The following EXOC4 variants were observed in gnomAD, a reference collection of about 807,000 sequenced individuals.
The protein encoded by EXOC4 is SEC8-like 1.
In EXOC4, 71 loss-of-function variants were observed where a neutral mutation model predicts 107.2. That is an observed-to-expected ratio of 0.66 (90% CI 0.55 to 0.81). The LOEUF is 0.81. Ranked by LOEUF, EXOC4 falls within the 30% of genes least tolerant of loss-of-function variation. EXOC4 has a pLI of 0.00. For synonymous variants in EXOC4, 456 were observed against 441.2 expected, an observed-to-expected ratio of 1.03 and a Z score of -0.42; for missense variants, 1,108 against 1,189.6, an observed-to-expected ratio of 0.93 and a Z score of 1.01.
In EXOC4 at chr7:133,253,112, A is replaced by C; in HGVS notation, c.11A>C (p.Glu4Ala). Residue 4 changes from glutamate to alanine, a missense_variant, in exon 1 of 18, where the codon GAA becomes GCA. Transcript: ENST00000253861. ...CTCCCCGCGTCCAAGATGGCGGCAG[A>C]AGCAGCTGGTGGGAAATACAGAAGC... MAA[E>A]AAGGKYRSTV... 1 of 1,614,152 alleles carries C rather than the reference A, an allele frequency of 6.2e-7. No homozygotes were observed. Among genetic ancestry groups the C allele is most frequent in the Middle Eastern group, 1.6e-4 (1 of 6,062 alleles).
intron 7 of EXOC4, among the ~76,000 whole-genome samples, chr7:133,376,700 C>T (rs1467602436): frequency 1.3e-5 from 2 of 152,188 alleles, no homozygotes; most frequent in Non-Finnish European, 2.9e-5. Context: ...GGAAACTTCT[C>T]AGCAGTGTTG....
intron 3 of EXOC4, among the ~76,000 whole-genome samples, chr7:133,299,027 A>T (rs1220003478): frequency 6.6e-6 from 1 of 152,204 alleles, no homozygotes; most frequent in African/African-American, 2.4e-5. Context: ...AAACATGTTT[A>T]AAAACAAGTA....
chr7:133,840,333 T>A (rs971424295), intron 11 of EXOC4, among the ~76,000 whole-genome samples: 3 of 152,074 alleles, frequency 2.0e-5, no homozygotes, highest in Non-Finnish European at 4.4e-5. Context: ...AATTAAGCTA[T>A]ATAGTATAGG....
At chr7:133,421,377 A>C (rs574730848) in intron 7 of EXOC4, among the ~76,000 whole-genome samples, 94 of 152,280 alleles carry the variant, frequency 6.2e-4, no homozygotes, top group African/African-American at 2.2e-3. Context: ...CCATCTTGGG[A>C]ATTTGGATTT....
At chr7:133,263,513 C>T (rs1031750589) in intron 1 of EXOC4, among the ~76,000 whole-genome samples, 1 of 150,982 alleles carries the variant, frequency 6.6e-6, no homozygotes, top group Non-Finnish European at 1.5e-5. Flanking sequence ...TCCGGAGTAG[C>T]GAGGACTACA....
chr7:133,803,304 C>T (rs1008181075), intron 10 of EXOC4, among the ~76,000 whole-genome samples: 1 of 152,114 alleles, frequency 6.6e-6, no homozygotes, highest in Non-Finnish European at 1.5e-5. Context: ...ACTTTGAAAA[C>T]AGGAAACATT....
intron 11 of EXOC4, among the ~76,000 whole-genome samples, chr7:133,864,855 T>C (rs559085507): frequency 5.3e-5 from 8 of 152,306 alleles, no homozygotes; most frequent in Admixed American, 4.6e-4. Context: ...ACTCCAGGCA[T>C]GGACACCTTT....
At chr7:133,933,891 T>TA in intron 13 of EXOC4, among the ~76,000 whole-genome samples, 1 of 152,378 alleles carries the variant, frequency 6.6e-6, no homozygotes, top group South Asian at 2.1e-4. Flanking sequence ...AAACGTGAAG[T>TA]TGTTTTTTGG....
At chr7:133,371,048 G>C (rs1168824506) in intron 6 of EXOC4, among the ~76,000 whole-genome samples, 1 of 152,190 alleles carries the variant, frequency 6.6e-6, no homozygotes, top group Non-Finnish European at 1.5e-5. Flanking sequence ...AAAAAACCAA[G>C]TGAACTAAAA....
chr7:133,649,122 T>G (rs1037364948), intron 10 of EXOC4, among the ~76,000 whole-genome samples: 1 of 152,174 alleles, frequency 6.6e-6, no homozygotes. Flanking sequence ...AAAATAATAG[T>G]GCCCCCTCCT....
intron 9 of EXOC4, among the ~76,000 whole-genome samples, chr7:133,564,347 T>G (rs1327291837): frequency 6.6e-6 from 1 of 151,968 alleles, no homozygotes; most frequent in African/African-American, 2.4e-5. Context: ...GAGAACTCAC[T>G]CACTATCATG....
intron 14 of EXOC4, among the ~76,000 whole-genome samples, chr7:133,971,385 GAGAGAGAGAGAGAGAGAA>G (rs1801229737): frequency 7.0e-6 from 1 of 141,906 alleles, no homozygotes; most frequent in Non-Finnish European, 1.5e-5. Flanking sequence ...GAGAGAGAGA[GAGAGAGAGAGAGAGAGAA>G]AGAGAGAGAG....
chr7:133,380,709 A>G (rs931246024), intron 7 of EXOC4, among the ~76,000 whole-genome samples: 1 of 152,212 alleles, frequency 6.6e-6, no homozygotes, highest in African/African-American at 2.4e-5. Context: ...ATTATGTGTT[A>G]TATCTCTCAG....
At chr7:133,834,091 A>C (rs1797867935) in intron 11 of EXOC4, among the ~76,000 whole-genome samples, 1 of 152,170 alleles carries the variant, frequency 6.6e-6, no homozygotes, top group African/African-American at 2.4e-5. Flanking sequence ...CTAGATTAAA[A>C]AGCTGTCCTT....
chr7:133,792,941 C>T (rs1170230822), intron 10 of EXOC4, among the ~76,000 whole-genome samples: 3 of 152,114 alleles, frequency 2.0e-5, no homozygotes, highest in Non-Finnish European at 4.4e-5. Flanking sequence ...GTGAGTCATC[C>T]TCCCAGGCTG....
chr7:133,726,878 G>A (rs145210485), intron 10 of EXOC4, among the ~76,000 whole-genome samples: 69 of 152,298 alleles, frequency 4.5e-4, no homozygotes, highest in African/African-American at 1.6e-3. Context: ...TGGAATGATT[G>A]TGAACATGGA....
At chr7:133,375,269 A>T (rs1463545241) in intron 7 of EXOC4, among the ~76,000 whole-genome samples, 3 of 152,206 alleles carry the variant, frequency 2.0e-5, no homozygotes, top group Non-Finnish European at 4.4e-5. Context: ...TGAGGTCAGG[A>T]GTCTGAGACC....
intron 10 of EXOC4, among the ~76,000 whole-genome samples, chr7:133,792,542 G>T (rs1796724572): frequency 1.4e-5 from 1 of 72,560 alleles, no homozygotes; most frequent in Non-Finnish European, 2.4e-5. Context: ...AACAGAGTGA[G>T]ACCCTGTCTC....
At chr7:133,259,873 G>A (rs921067401) in intron 1 of EXOC4, among the ~76,000 whole-genome samples, 3 of 152,124 alleles carry the variant, frequency 2.0e-5, no homozygotes, top group African/African-American at 7.2e-5. Context: ...AGGTATACAT[G>A]TATATGCTAG....
Sources: gnomAD v4.1 joint callset for allele counts (sites outside exome capture counted in the v4.1 genomes callset) on GRCh38, gnomAD v4.1.1 for gene constraint, MANE v1.5 for transcripts, NCBI Gene and HGNC (gene_info 2026-07-23, HGNC 2026-07-21) for gene names.